Variants in ACTR3C observed in about 807,000 individuals in gnomAD.
ACTR3C encodes the protein actin-related protein 3C.
ACTR3C carries 18 observed loss-of-function variants against 26.3 expected under a neutral mutation model. That is an observed-to-expected ratio of 0.68 (90% CI 0.47 to 1.01). The LOEUF (loss-of-function observed/expected upper bound fraction) is 1.01. Among genes scored for constraint, ACTR3C ranks in the 50% least tolerant of loss-of-function variants. The pLI is 0.00. For missense variants in ACTR3C, 184 were observed against 250.7 expected (o/e 0.73, Z 1.80); for synonymous variants, 55 against 94.5 (o/e 0.58, Z 2.42).
the ACTR3C span, among the ~76,000 whole-genome samples, chr7:150,101,469 C>T: frequency 6.6e-6 from 1 of 151,720 alleles, no homozygotes; most frequent in Non-Finnish European, 1.5e-5. Context: ...ACCCTTGTGA[C>T]TCAGAAGCAT....
At chr7:150,063,592 T>C in the ACTR3C span, among the ~76,000 whole-genome samples, 1 of 151,630 alleles carries the variant, frequency 6.6e-6, no homozygotes, top group East Asian at 1.9e-4. Context: ...GTCTAGAGAT[T>C]TTCAAATGTC....
chr7:150,135,083 C>T, the ACTR3C span, among the ~76,000 whole-genome samples: 3 of 152,156 alleles, frequency 2.0e-5, no homozygotes, highest in African/African-American at 7.2e-5. Context: ...TGTGAGCCAC[C>T]GCATGGGTGA....
chr7:150,308,659 A>G (rs1323111491), intron 1 of ACTR3C, among the ~76,000 whole-genome samples: 1 of 149,758 alleles, frequency 6.7e-6, no homozygotes, highest in Non-Finnish European at 1.5e-5. Flanking sequence ...TCCCCAGGCC[A>G]CTCCTTGACA....
chr7:150,057,322 C>G, the ACTR3C span, among the ~76,000 whole-genome samples: 384 of 144,990 alleles, frequency 2.6e-3, 4 homozygotes, highest in African/African-American at 9.4e-3. Context: ...TTCTTTTTAC[C>G]CAGGCTGGAG....
the ACTR3C span, among the ~76,000 whole-genome samples, chr7:150,045,563 A>AG: frequency 6.6e-6 from 1 of 150,384 alleles, no homozygotes; most frequent in African/African-American, 2.5e-5. Flanking sequence ...TGTATTTTCC[A>AG]GAAAAAAAAA....
chr7:150,321,731 C>A (rs1477330358), intron 1 of ACTR3C, among the ~76,000 whole-genome samples: 2 of 152,008 alleles, frequency 1.3e-5, no homozygotes, highest in African/African-American at 4.8e-5. Flanking sequence ...GAGAGTGAGA[C>A]TCCATCTCAA....
At chr7:150,141,867 C>T in the ACTR3C span, among the ~76,000 whole-genome samples, 1 of 152,036 alleles carries the variant, frequency 6.6e-6, no homozygotes. Context: ...AGGTGCTGAG[C>T]TGAGGCCCTG....
At chr7:150,175,503 A>G in the ACTR3C span, among the ~76,000 whole-genome samples, 171 of 149,880 alleles carry the variant, frequency 1.1e-3, 3 homozygotes, top group Non-Finnish European at 1.5e-3. Flanking sequence ...GAACCAAATT[A>G]TTATATATAG....
the ACTR3C span, among the ~76,000 whole-genome samples, chr7:149,911,126 A>G: frequency 6.6e-6 from 1 of 152,042 alleles, no homozygotes; most frequent in Non-Finnish European, 1.5e-5. Context: ...CCCAGGATGG[A>G]GGCAATAGAG....
the ACTR3C span, among the ~76,000 whole-genome samples, chr7:149,924,310 G>C: frequency 6.6e-6 from 1 of 151,726 alleles, no homozygotes; most frequent in Non-Finnish European, 1.5e-5. Context: ...AGGAGGTGGA[G>C]GTTGCAGTGA....
the ACTR3C span, among the ~76,000 whole-genome samples, chr7:150,088,650 A>G: frequency 6.6e-6 from 1 of 152,208 alleles, no homozygotes; most frequent in Non-Finnish European, 1.5e-5. Flanking sequence ...TACATATGAA[A>G]GTGCTTAGTG....
At chr7:150,209,284 G>A in the ACTR3C span, among the ~76,000 whole-genome samples, 1 of 143,116 alleles carries the variant, frequency 7.0e-6, no homozygotes, top group East Asian at 1.9e-4. Context: ...GAGAGAGACA[G>A]AAACAGAGAG....
the ACTR3C span, among the ~76,000 whole-genome samples, chr7:149,962,043 G>A: frequency 6.6e-6 from 1 of 152,160 alleles, no homozygotes; most frequent in Non-Finnish European, 1.5e-5. Flanking sequence ...TGGGTTCACA[G>A]GAAGTGAGAG....
the ACTR3C span, among the ~76,000 whole-genome samples, chr7:150,186,415 C>T: frequency 3.4e-4 from 52 of 152,138 alleles, no homozygotes; most frequent in Non-Finnish European, 6.5e-4. Context: ...TGTGATCCAT[C>T]CCATGAGAAA....
chr7:149,947,133 G>A, the ACTR3C span, among the ~76,000 whole-genome samples: 94 of 151,610 alleles, frequency 6.2e-4, no homozygotes, highest in Middle Eastern at 6.8e-3. Context: ...CCACTGCTCC[G>A]TCTTCTCTTC....
chr7:150,115,893 A>G, the ACTR3C span, among the ~76,000 whole-genome samples: 1 of 152,256 alleles, frequency 6.6e-6, no homozygotes, highest in Non-Finnish European at 1.5e-5. Flanking sequence ...CTGAATGTGC[A>G]TAGTGCAAAG....
chr7:150,309,314 C>G (rs1205850981), intron 1 of ACTR3C, among the ~76,000 whole-genome samples: 1 of 152,220 alleles, frequency 6.6e-6, no homozygotes, highest in Non-Finnish European at 1.5e-5. Context: ...CTTTACAGCC[C>G]TAGACCCTCG....
At chr7:149,912,565 C>T in the ACTR3C span, among the ~76,000 whole-genome samples, 6 of 150,456 alleles carry the variant, frequency 4.0e-5, no homozygotes, top group African/African-American at 1.5e-4. Context: ...TGCAGTGGCG[C>T]GATCTCGGCT....
the ACTR3C span, among the ~76,000 whole-genome samples, chr7:150,133,926 T>TG: frequency 2.0e-5 from 3 of 152,074 alleles, no homozygotes; most frequent in Non-Finnish European, 2.9e-5. Flanking sequence ...TTGGTAGAGA[T>TG]GGGGCTTTTC....
Sources: allele counts gnomAD v4.1 joint callset (sites outside exome capture counted in the v4.1 genomes callset), GRCh38; gene constraint gnomAD v4.1.1; transcripts MANE v1.5; gene names NCBI Gene and HGNC (gene_info 2026-07-23, HGNC 2026-07-21).